The following USP47 variants were observed in gnomAD, a reference collection of about 807,000 sequenced individuals.
USP47 encodes ubiquitin carboxyl-terminal hydrolase 47.
USP47 carries 35 observed loss-of-function variants against 165.1 expected under a neutral mutation model. That is an observed-to-expected ratio of 0.21 (90% CI 0.16 to 0.28). The LOEUF is 0.28. USP47 is among the 10% of genes least tolerant of loss of function. The pLI is 1.00. For missense variants in USP47, 1,277 were observed against 1,607.4 expected, an observed-to-expected ratio of 0.79 and a Z score of 3.52; for synonymous variants, 531 against 544.5, an observed-to-expected ratio of 0.98 and a Z score of 0.35.
Position 11,961,371 on chromosome 11 carries a change from G to A in USP47, c.*5196G>A, listed in dbSNP as rs1380775678. Among the ~76,000 whole-genome samples, 1 of 151,908 alleles carries A rather than the reference G, an allele frequency of 6.6e-6. No homozygotes were observed. The highest frequency in any genetic ancestry group is 1.5e-5 in the Non-Finnish European group (1 of 67,974). On this transcript the variant is annotated 3_prime_UTR_variant, in exon 28 of 28. Transcript: ENST00000527733. ...CTAGGTGGGCGCAATTTGATCACAT[G>A]GGTCCCCAGAAGTGGAGAACCTTTC... is the stretch of plus-strand genomic sequence containing the variant.
intron 7 of USP47, among the ~76,000 whole-genome samples, chr11:11,904,398 A>G (rs1372033374): frequency 6.6e-6 from 1 of 152,212 alleles, no homozygotes; most frequent in African/African-American, 2.4e-5. Context: ...TTTATGAAAG[A>G]GGCAAGATGT....
At chr11:11,909,201 T>C (rs1322173266) in intron 8 of USP47, among the ~76,000 whole-genome samples, 1 of 152,158 alleles carries the variant, frequency 6.6e-6, no homozygotes, top group Non-Finnish European at 1.5e-5. Context: ...ATATGTGTTA[T>C]AATTTCCTGT....
At chr11:11,873,597 A>G (rs566847475) in intron 1 of USP47, among the ~76,000 whole-genome samples, 3 of 152,242 alleles carry the variant, frequency 2.0e-5, no homozygotes, top group South Asian at 2.1e-4. Context: ...TTCCATATTT[A>G]TCTTATTCTT....
At chr11:11,908,052 C>T (rs1852694332) in intron 8 of USP47, among the ~76,000 whole-genome samples, 1 of 151,998 alleles carries the variant, frequency 6.6e-6, no homozygotes, top group African/African-American at 2.4e-5. Flanking sequence ...CGCACCACTG[C>T]ACTCCAGCCT....
chr11:11,908,433 C>T (rs1018694560), intron 8 of USP47, among the ~76,000 whole-genome samples: 1 of 152,004 alleles, frequency 6.6e-6, no homozygotes, highest in Non-Finnish European at 1.5e-5. Context: ...GCTACCACGC[C>T]CAGCCAGGGT....
chr11:11,934,476 GT>G (rs1182846706), intron 16 of USP47, among the ~76,000 whole-genome samples: 4 of 152,124 alleles, frequency 2.6e-5, no homozygotes, highest in Non-Finnish European at 5.9e-5. Context: ...GATGCAAAAA[GT>G]TGAGGAAGAA....
chr11:11,874,634 A>G (rs1212713864), intron 1 of USP47, among the ~76,000 whole-genome samples: 1 of 150,954 alleles, frequency 6.6e-6, no homozygotes, highest in Non-Finnish European at 1.5e-5. Flanking sequence ...ACCTCGGCTG[A>G]CTGCAACCTC....
At chr11:11,909,219 C>T (rs989896805) in intron 8 of USP47, among the ~76,000 whole-genome samples, 3 of 152,078 alleles carry the variant, frequency 2.0e-5, no homozygotes, top group African/African-American at 4.8e-5. Flanking sequence ...TGTTGTTTTA[C>T]ATATTTTTTA....
rs552393287 is a variant in USP47, at chr11:11,909,644, T to G, written c.969+4096T>G. ...GCAGACACTGTTCTAGGCCATTTTCTTTTAGGATACTTTTATTCTATTGTT... is the reference window on the plus strand; with the variant it reads ...GCAGACACTGTTCTAGGCCATTTTCGTTTAGGATACTTTTATTCTATTGTT... On this transcript the variant is annotated intron_variant, in intron 8 of 27. Coordinates refer to ENST00000527733, the MANE Select transcript of USP47 (RefSeq NM_001282659.2). 5.3e-5 allele frequency among the ~76,000 whole-genome samples: 8 copies of G among 152,324 alleles called. No homozygotes were observed. In the South Asian group the frequency reaches 1.7e-3, roughly 32 times the overall value.
At chr11:11,906,938 A>G (rs545292916) in intron 8 of USP47, among the ~76,000 whole-genome samples, 108 of 152,232 alleles carry the variant, frequency 7.1e-4, no homozygotes, top group African/African-American at 2.5e-3. Flanking sequence ...GATATGGACT[A>G]TTTTTTATAC....
At chr11:11,877,123 GT>G (rs996085886) in intron 1 of USP47, among the ~76,000 whole-genome samples, 6 of 149,208 alleles carry the variant, frequency 4.0e-5, no homozygotes, top group African/African-American at 1.5e-4. Flanking sequence ...TATTGTATAG[GT>G]TTTTTTCTCT....
chr11:11,948,164 G>T (rs764419301), intron 21 of USP47, 44 bp downstream of exon 21: 3 of 1,558,946 alleles, frequency 1.9e-6, no homozygotes, highest in South Asian at 2.5e-5. Flanking sequence ...TATTTTAAAT[G>T]ATAGATTTGA....
intron 11 of USP47, among the ~76,000 whole-genome samples, chr11:11,926,570 T>G (rs974371983): frequency 1.3e-5 from 2 of 152,046 alleles, no homozygotes; most frequent in Non-Finnish European, 2.9e-5. Context: ...TTCTCTTTCT[T>G]AGCCTAGCTA....
At chr11:11,925,942 T>C (rs1854210537) in intron 11 of USP47, among the ~76,000 whole-genome samples, 1 of 152,198 alleles carries the variant, frequency 6.6e-6, no homozygotes, top group African/African-American at 2.4e-5. Flanking sequence ...TGAGTGTTTT[T>C]ATCATGAAAG....
rs1355128137 is a variant in USP47 at position 11,922,867 on chromosome 11, G to A, written c.1362G>A (p.Lys454=). ...TTGAAACCAATAGTGGAACTGAAAA[G>A]ATCTCAAAATCTGGACTTGAAAAGG... The part of the protein sequence containing the change: ...ICLETNSGTE[K]ISKSGLEKNS... The change falls in exon 11 of 28, where the codon AAG becomes AAA. Residue 454 remains lysine, a synonymous_variant. Coordinates refer to ENST00000527733, the MANE Select transcript of USP47 (RefSeq NM_001282659.2). The A allele has an allele frequency of 6.2e-7, 1 of 1,609,538 alleles. No homozygotes were observed. Among genetic ancestry groups the A allele is most frequent in the Non-Finnish European group, 8.5e-7 (1 of 1,177,476 alleles).
At chr11:11,901,924 A>T (rs1852253455) in intron 5 of USP47, among the ~76,000 whole-genome samples, 1 of 149,008 alleles carries the variant, frequency 6.7e-6, no homozygotes, top group African/African-American at 2.5e-5. Flanking sequence ...ATCCCACTGC[A>T]CTCCAGCCTG....
chr11:11,929,901 A>G, intron 12 of USP47, 143 bp from the exon 13 acceptor site: 1 of 712,238 alleles, frequency 1.4e-6, no homozygotes, highest in Non-Finnish European at 2.3e-6. Flanking sequence ...ATTATGATTA[A>G]ATTTTGTGAA....
At chr11:11,930,596 T>A in intron 13 of USP47, 100 bp from the exon 14 acceptor site, 1 of 906,436 alleles carries the variant, frequency 1.1e-6, no homozygotes, top group Non-Finnish European at 1.7e-6. Context: ...GATTTTCTAA[T>A]TGTTTTTTAA....
rs545888934 is a variant in USP47, at chr11:11,957,721, C to T, written c.*1546C>T. 25 of 152,020 alleles carry T rather than the reference C, an allele frequency of 1.6e-4. No homozygotes were observed. The East Asian group carries it at 3.5e-3, about 21-fold the overall frequency. 9.4% of individuals were successfully genotyped at this position (152,020 alleles called of 1,614,324 possible). On this transcript the variant is annotated 3_prime_UTR_variant, in exon 28 of 28. Transcript: ENST00000527733. Reference sequence around the variant, plus strand: ...GGGAACCCTGTCAGTATTTCAGATCCGATTTTTACCCTTTTTTTCTTATAA... The same window carrying T: ...GGGAACCCTGTCAGTATTTCAGATCTGATTTTTACCCTTTTTTTCTTATAA...
Sources: allele counts gnomAD v4.1 joint callset (sites outside exome capture counted in the v4.1 genomes callset), GRCh38; gene constraint gnomAD v4.1.1; transcripts MANE v1.5; gene names NCBI Gene and HGNC (gene_info 2026-07-23, HGNC 2026-07-21).